Variants in DOCK3 observed in about 807,000 individuals in gnomAD.
DOCK3 encodes dedicator of cytokinesis 3.
In DOCK3, 60 loss-of-function variants were observed where a neutral mutation model predicts 265.6. The observed-to-expected ratio is 0.23, with a 90% CI of 0.18 to 0.28. The LOEUF (loss-of-function observed/expected upper bound fraction) is 0.28. Among genes scored for constraint, DOCK3 ranks in the 10% least tolerant of loss-of-function variants. DOCK3 has a pLI of 1.00. For synonymous variants in DOCK3, 881 were observed against 938.0 expected (o/e 0.94, Z 1.11); for missense variants, 1,981 against 2,594.3 (o/e 0.76, Z 5.14).
intron 2 of DOCK3, among the ~76,000 whole-genome samples, chr3:50,833,479 G>A (rs1038091787): frequency 3.9e-5 from 6 of 152,104 alleles, no homozygotes; most frequent in Non-Finnish European, 8.8e-5. Flanking sequence ...TGTTCCATAA[G>A]GAATCTCAGA....
intron 2 of DOCK3, among the ~76,000 whole-genome samples, chr3:50,808,607 C>T (rs551562290): frequency 6.6e-6 from 1 of 152,196 alleles, no homozygotes; most frequent in African/African-American, 2.4e-5. Flanking sequence ...CAGGTTGTTA[C>T]TAGAAACCAG....
chr3:51,118,615 G>A (rs1488463695), intron 9 of DOCK3, among the ~76,000 whole-genome samples: 1 of 152,180 alleles, frequency 6.6e-6, no homozygotes, highest in Non-Finnish European at 1.5e-5. Flanking sequence ...AGATCCCTAA[G>A]AACTTGCTTT....
intron 13 of DOCK3, among the ~76,000 whole-genome samples, chr3:51,211,068 T>A (rs901289223): frequency 6.6e-6 from 1 of 152,204 alleles, no homozygotes; most frequent in African/African-American, 2.4e-5. Flanking sequence ...CTGTTTATTT[T>A]AAAATGACTG....
At chr3:51,301,798 G>A (rs2082374625) in intron 27 of DOCK3, among the ~76,000 whole-genome samples, 1 of 152,116 alleles carries the variant, frequency 6.6e-6, no homozygotes, top group African/African-American at 2.4e-5. Context: ...CTGAGATCCT[G>A]TTTGTTATTA....
At chr3:50,938,886 G>T (rs1259829136) in intron 5 of DOCK3, among the ~76,000 whole-genome samples, 1 of 149,584 alleles carries the variant, frequency 6.7e-6, no homozygotes, top group South Asian at 2.1e-4. Context: ...GTGAGACTCT[G>T]TAAAAAAAAA....
At chr3:51,297,103 G>A (rs988092411) in intron 27 of DOCK3, among the ~76,000 whole-genome samples, 5 of 117,762 alleles carry the variant, frequency 4.2e-5, no homozygotes, top group Non-Finnish European at 8.4e-5. Context: ...GGGGGATAGA[G>A]TGAGACTCTG....
At chr3:51,187,669 G>A (rs189538499) in intron 12 of DOCK3, among the ~76,000 whole-genome samples, 22 of 152,138 alleles carry the variant, frequency 1.4e-4, no homozygotes, top group African/African-American at 5.3e-4. Flanking sequence ...GAATCATGGG[G>A]GCAGGTCTTT....
Position 51,160,583 on chromosome 3 carries a change from A to G in DOCK3, c.918A>G (p.Lys306=), listed in dbSNP as rs781487240. ...GGATGCTCCTGAACGACTCAAAGAA[A>G]GGTCCTCCTCACCTGCACTACAGGC... The part of the protein sequence containing the change: ...IGRMLLNDSK[K]GPPHLHYRRP... The change falls in exon 12 of 53, where the codon AAA becomes AAG. Residue 306 remains lysine, a synonymous_variant. Transcript: ENST00000266037. 5 of 1,612,310 alleles carry G rather than the reference A, an allele frequency of 3.1e-6. No homozygotes were observed. The Admixed American group carries it at 8.4e-5, about 27-fold the overall frequency.
At chr3:50,854,505 A>G (rs1027944012) in intron 3 of DOCK3, among the ~76,000 whole-genome samples, 11 of 139,774 alleles carry the variant, frequency 7.9e-5, no homozygotes, top group African/African-American at 3.0e-4. Context: ...ATCATAACTC[A>G]TTGAAGCCTT....
intron 3 of DOCK3, among the ~76,000 whole-genome samples, chr3:50,865,753 A>G (rs1270112827): frequency 6.6e-6 from 1 of 152,150 alleles, no homozygotes; most frequent in Non-Finnish European, 1.5e-5. Context: ...GGTTGTACTA[A>G]TTGACATTCC....
intron 27 of DOCK3, among the ~76,000 whole-genome samples, chr3:51,306,622 G>A (rs1445956215): frequency 6.6e-6 from 1 of 152,102 alleles, no homozygotes; most frequent in African/African-American, 2.4e-5. Context: ...TCCTACTTGA[G>A]ATAATCTCAG....
At chr3:51,063,300 A>G (rs1246117993) in intron 5 of DOCK3, among the ~76,000 whole-genome samples, 1 of 152,120 alleles carries the variant, frequency 6.6e-6, no homozygotes, top group East Asian at 1.9e-4. Flanking sequence ...GGAGTTGGAG[A>G]CTGCAGTGAG....
At chr3:51,132,011 G>A (rs2084577618) in intron 9 of DOCK3, among the ~76,000 whole-genome samples, 1 of 152,170 alleles carries the variant, frequency 6.6e-6, no homozygotes, top group Non-Finnish European at 1.5e-5. Context: ...TAGGTCTAAA[G>A]TGACTAATCC....
chr3:51,337,754 T>G (rs2084964650), intron 35 of DOCK3, among the ~76,000 whole-genome samples: 1 of 152,146 alleles, frequency 6.6e-6, no homozygotes, highest in South Asian at 2.1e-4. Context: ...TCACAGGCCA[T>G]CCCTGACCCC....
intron 12 of DOCK3, among the ~76,000 whole-genome samples, chr3:51,163,773 A>G (rs1010333194): frequency 3.3e-5 from 5 of 152,198 alleles, no homozygotes; most frequent in Non-Finnish European, 5.9e-5. Context: ...CATATTTTGA[A>G]TATTAAATTT....
intron 12 of DOCK3, among the ~76,000 whole-genome samples, chr3:51,185,731 T>G (rs1028275070): frequency 6.6e-6 from 1 of 152,164 alleles, no homozygotes; most frequent in East Asian, 1.9e-4. Flanking sequence ...CATGCTGTTC[T>G]CATGATAGTG....
intron 3 of DOCK3, among the ~76,000 whole-genome samples, chr3:50,888,098 T>C (rs1476859398): frequency 2.0e-5 from 3 of 152,162 alleles, no homozygotes; most frequent in Non-Finnish European, 4.4e-5. Flanking sequence ...CATGATTGTA[T>C]ATCTAGAAAA....
At chr3:50,766,624 T>G (rs1251818290) in intron 1 of DOCK3, among the ~76,000 whole-genome samples, 1 of 152,178 alleles carries the variant, frequency 6.6e-6, no homozygotes, top group Non-Finnish European at 1.5e-5. Context: ...TTATAATCCT[T>G]TGGGCATATA....
intron 9 of DOCK3, among the ~76,000 whole-genome samples, chr3:51,143,372 C>T (rs565433678): frequency 3.3e-5 from 5 of 150,634 alleles, no homozygotes; most frequent in South Asian, 4.3e-4. Context: ...TGGGTTCAAG[C>T]GATTCTTCTG....
Sources: gnomAD v4.1 joint callset for allele counts (sites outside exome capture counted in the v4.1 genomes callset) on GRCh38, gnomAD v4.1.1 for gene constraint, MANE v1.5 for transcripts, NCBI Gene and HGNC (gene_info 2026-07-23, HGNC 2026-07-21) for gene names.